Variants in ZMIZ1 observed in about 807,000 individuals in gnomAD.
ZMIZ1 encodes zinc finger MIZ-type containing 1.
ZMIZ1 carries 17 observed loss-of-function variants against 113.9 expected under a neutral mutation model. The ratio of observed to expected loss-of-function variants is 0.15; its 90% CI spans 0.10 to 0.22. The LOEUF (loss-of-function observed/expected upper bound fraction) is 0.22. Ranked by LOEUF, ZMIZ1 falls within the 10% of genes least tolerant of loss-of-function variation. The pLI, the probability that ZMIZ1 is intolerant of heterozygous loss-of-function variation, is 1.00. For missense variants in ZMIZ1, 1,059 were observed against 1,477.8 expected (o/e 0.72, Z 4.65); for synonymous variants, 607 against 603.1 (o/e 1.01, Z -0.09).
At chr10:79,144,750 T>C (rs1027699909) in intron 3 of ZMIZ1, among the ~76,000 whole-genome samples, 1 of 152,274 alleles carries the variant, frequency 6.6e-6, no homozygotes, top group African/African-American at 2.4e-5. Flanking sequence ...TGCAGTGTTA[T>C]GTAAATTCTG....
chr10:79,163,116 C>A (rs1437558638), intron 4 of ZMIZ1, among the ~76,000 whole-genome samples: 1 of 152,270 alleles, frequency 6.6e-6, no homozygotes, highest in East Asian at 1.9e-4. Context: ...GGCCCAGAGC[C>A]CTTTGTCCCA....
chr10:79,166,102 G>A (rs1000617152), intron 4 of ZMIZ1, among the ~76,000 whole-genome samples: 10 of 151,826 alleles, frequency 6.6e-5, no homozygotes, highest in African/African-American at 2.4e-4. Context: ...GCTCTCTCCT[G>A]CCCAGTTTTC....
intron 7 of ZMIZ1, among the ~76,000 whole-genome samples, chr10:79,227,114 C>T (rs552556281): frequency 6.6e-6 from 1 of 152,346 alleles, no homozygotes; most frequent in East Asian, 1.9e-4. Flanking sequence ...CAAACAAGAA[C>T]ATTCAACCCC....
At chr10:79,197,449 C>T (rs1332830151) in intron 4 of ZMIZ1, among the ~76,000 whole-genome samples, 1 of 152,156 alleles carries the variant, frequency 6.6e-6, no homozygotes, top group Admixed American at 6.5e-5. Flanking sequence ...CATGGTTTGT[C>T]CCTGACCCCA....
intron 8 of ZMIZ1, among the ~76,000 whole-genome samples, chr10:79,277,811 G>T (rs1852396765): frequency 6.6e-6 from 1 of 152,224 alleles, no homozygotes; most frequent in African/African-American, 2.4e-5. Flanking sequence ...AGCACCGAGG[G>T]ATTGTCCAGT....
chr10:79,242,659 G>A (rs1400785090), intron 7 of ZMIZ1, among the ~76,000 whole-genome samples: 1 of 151,914 alleles, frequency 6.6e-6, no homozygotes, highest in African/African-American at 2.4e-5. Flanking sequence ...GATTCGCTGG[G>A]GGGCGGGAGA....
chr10:79,087,676 T>C (rs762628704), intron 1 of ZMIZ1, among the ~76,000 whole-genome samples: 1 of 152,226 alleles, frequency 6.6e-6, no homozygotes, highest in Non-Finnish European at 1.5e-5. Context: ...CTCTCTACGA[T>C]CTACAATCTG....
intron 4 of ZMIZ1, among the ~76,000 whole-genome samples, chr10:79,178,916 G>A (rs904883963): frequency 2.0e-5 from 3 of 152,200 alleles, no homozygotes; most frequent in African/African-American, 7.2e-5. Flanking sequence ...AGCCAGGGCC[G>A]CATGAAGCCC....
At chr10:79,198,591 C>T (rs938148161) in intron 4 of ZMIZ1, among the ~76,000 whole-genome samples, 1 of 152,140 alleles carries the variant, frequency 6.6e-6, no homozygotes, top group African/African-American at 2.4e-5. Flanking sequence ...CCACTTTCCC[C>T]TTCTTGCTGT....
intron 7 of ZMIZ1, among the ~76,000 whole-genome samples, chr10:79,218,519 GA>G (rs147862785): frequency 0.069 from 10,479 of 151,934 alleles, 533 homozygotes; most frequent in South Asian, 0.16. Context: ...AAAACCTAGT[GA>G]TTAACTATAC....
intron 7 of ZMIZ1, among the ~76,000 whole-genome samples, chr10:79,255,430 G>T (rs1850826172): frequency 6.6e-6 from 1 of 152,234 alleles, no homozygotes; most frequent in Non-Finnish European, 1.5e-5. Flanking sequence ...AGGTAAGGGG[G>T]TTCCCCTAGC....
chr10:79,123,716 C>T (rs1343073493), intron 2 of ZMIZ1, among the ~76,000 whole-genome samples: 1 of 152,180 alleles, frequency 6.6e-6, no homozygotes, highest in Non-Finnish European at 1.5e-5. Context: ...CTCGCCAGCC[C>T]CTCCAGCCCC....
rs141688977 is a variant in ZMIZ1 at position 79,170,698 on chromosome 10, C to T, written c.-50+8565C>T. Reference sequence around the variant, plus strand: ...AATAGTTAATACACATGAAAGCCTGCAGCATTGGAACTGCAGAATGACCCC... The same window carrying T: ...AATAGTTAATACACATGAAAGCCTGTAGCATTGGAACTGCAGAATGACCCC... On this transcript the variant is annotated intron_variant, in intron 4 of 24. Coordinates refer to ENST00000334512, the MANE Select transcript of ZMIZ1 (RefSeq NM_020338.4). Among the ~76,000 whole-genome samples the T allele has an allele frequency of 2.6e-3, 389 of 152,334 alleles. 2 individuals are homozygous for T. The highest frequency in any genetic ancestry group is 8.9e-3 in the African/African-American group (372 of 41,572).
At chr10:79,208,901 C>A (rs11002867) in intron 6 of ZMIZ1, among the ~76,000 whole-genome samples, 17,447 of 152,186 alleles carry the variant, frequency 0.11, 1,219 homozygotes, top group East Asian at 0.3. Flanking sequence ...ACCAAATGAG[C>A]ATTGATCTCT....
chr10:79,243,675 C>A, intron 7 of ZMIZ1: 1 of 304,132 alleles, frequency 3.3e-6, no homozygotes, highest in Non-Finnish European at 6.5e-6. Context: ...GCCGCGGCCG[C>A]CGCCGGCCGG....
intron 22 of ZMIZ1, 21 bp from the exon 23 acceptor site, chr10:79,307,384 C>T (rs1564606349): frequency 1.2e-6 from 2 of 1,609,544 alleles, no homozygotes; most frequent in Non-Finnish European, 1.7e-6. Context: ...CCCCTCCCCT[C>T]CCCATCTCAT....
intron 1 of ZMIZ1, among the ~76,000 whole-genome samples, chr10:79,094,723 C>T (rs749523250): frequency 3.3e-5 from 5 of 152,168 alleles, no homozygotes; most frequent in Non-Finnish European, 5.9e-5. Context: ...CCAAGGTGAG[C>T]GGATCGCTTG....
At chr10:79,267,677 C>G (rs1339404143) in intron 7 of ZMIZ1, among the ~76,000 whole-genome samples, 2 of 152,216 alleles carry the variant, frequency 1.3e-5, no homozygotes, top group Non-Finnish European at 2.9e-5. Context: ...CTTGGTCACT[C>G]TGCCTCCTGG....
intron 2 of ZMIZ1, among the ~76,000 whole-genome samples, chr10:79,136,794 ATCAC>A (rs1845030002): frequency 6.6e-6 from 1 of 152,236 alleles, no homozygotes; most frequent in Admixed American, 6.5e-5. Context: ...TATCCATTTC[ATCAC>A]TCTTATTATG....
Sources: gnomAD v4.1 joint callset for allele counts (sites outside exome capture counted in the v4.1 genomes callset) on GRCh38, gnomAD v4.1.1 for gene constraint, MANE v1.5 for transcripts, NCBI Gene and HGNC (gene_info 2026-07-23, HGNC 2026-07-21) for gene names.